Variants in ABCB4 observed in about 807,000 individuals in gnomAD.
ABCB4 encodes phosphatidylcholine translocator ABCB4.
In ABCB4, 76 loss-of-function variants were observed where a neutral mutation model predicts 145.7. The observed-to-expected ratio is 0.52, with a 90% CI of 0.43 to 0.63. The LOEUF (loss-of-function observed/expected upper bound fraction) is 0.63. ABCB4 is among the 30% of genes least tolerant of loss of function. The pLI is 0.00. For synonymous variants in ABCB4, 517 were observed against 566.8 expected (o/e 0.91, Z 1.25); for missense variants, 1,234 against 1,553.1 (o/e 0.79, Z 3.45).
intron 4 of ABCB4, among the ~76,000 whole-genome samples, chr7:87,456,336 A>G (rs1457895616): frequency 6.6e-6 from 1 of 152,172 alleles, no homozygotes; most frequent in African/African-American, 2.4e-5. Context: ...TGTGATCCTC[A>G]GTGTTGGAGG....
intron 24 of ABCB4, among the ~76,000 whole-genome samples, chr7:87,408,713 G>T (rs1808393351): frequency 6.6e-6 from 1 of 152,320 alleles, no homozygotes; most frequent in South Asian, 2.1e-4. Context: ...GTCCTGGAAA[G>T]ACTGTGTTAA....
intron 14 of ABCB4, among the ~76,000 whole-genome samples, chr7:87,437,839 T>C (rs1810711044): frequency 6.6e-6 from 1 of 152,160 alleles, no homozygotes; most frequent in Non-Finnish European, 1.5e-5. Flanking sequence ...TCCTGGAGAC[T>C]TTAAAAAATT....
At chr7:87,460,622 G>GTATTTATT (rs3028335) in intron 4 of ABCB4, among the ~76,000 whole-genome samples, 1,589 of 148,410 alleles carry the variant, frequency 0.011, 28 homozygotes, top group African/African-American at 0.026. Flanking sequence ...ACACAATTTT[G>GTATTTATT]TATTTATTTA....
intron 4 of ABCB4, among the ~76,000 whole-genome samples, chr7:87,460,187 C>G (rs912499265): frequency 2.0e-5 from 3 of 152,180 alleles, no homozygotes; most frequent in African/African-American, 7.2e-5. Flanking sequence ...ATCTCTGATT[C>G]ACTGTGGGGA....
chr7:87,406,970 T>C (rs1166831153), intron 25 of ABCB4, among the ~76,000 whole-genome samples: 1 of 152,212 alleles, frequency 6.6e-6, no homozygotes, highest in Non-Finnish European at 1.5e-5. Flanking sequence ...CCCTGAAAAC[T>C]ACTAGCCTTA....
intron 3 of ABCB4, among the ~76,000 whole-genome samples, chr7:87,472,222 G>A (rs1404740776): frequency 6.6e-6 from 1 of 151,990 alleles, no homozygotes; most frequent in Admixed American, 6.5e-5. Flanking sequence ...ACAGTTTTTT[G>A]TTGTCGTTGT....
At chr7:87,466,947 A>C (rs1443312205) in intron 3 of ABCB4, among the ~76,000 whole-genome samples, 1 of 152,212 alleles carries the variant, frequency 6.6e-6, no homozygotes. Context: ...GCAAAAACAT[A>C]CCAAATTGTA....
chr7:87,377,543 T>A, the ABCB4 span: 1 of 713,576 alleles, frequency 1.4e-6, no homozygotes, highest in Non-Finnish European at 2.4e-6. Flanking sequence ...ACAGTGTAAG[T>A]GAATAGTAAT....
rs927881922 is a variant in ABCB4, at chr7:87,475,678, G to A, written c.-51C>T. The A allele has an allele frequency of 8.3e-6, 5 of 598,898 alleles. No individual in the cohort carries two copies. The highest frequency in any genetic ancestry group is 5.7e-5 in the East Asian group (2 of 35,050). 37.1% of individuals were successfully genotyped at this position (598,898 alleles called of 1,614,324 possible). On this transcript the variant is annotated 5_prime_UTR_variant, in exon 1 of 28. Transcript: ENST00000649586. ...TGGCAGGGCCTCTGGACGCGCGGGC[G>A]CTGCAGCAGAGGGGCCTGGACTTTG...
the ABCB4 span, among the ~76,000 whole-genome samples, chr7:87,371,109 A>AC: frequency 6.6e-6 from 1 of 152,176 alleles, no homozygotes; most frequent in Non-Finnish European, 1.5e-5. Context: ...TTTAATCTTT[A>AC]CCATACAGAT....
At chr7:87,465,089 C>T (rs902923139) in intron 3 of ABCB4, among the ~76,000 whole-genome samples, 4 of 152,200 alleles carry the variant, frequency 2.6e-5, no homozygotes, top group African/African-American at 7.2e-5. Flanking sequence ...TCCCCTCACC[C>T]GAGAAGCACA....
intron 7 of ABCB4, among the ~76,000 whole-genome samples, chr7:87,451,152 T>TTTTG (rs1811696388): frequency 6.6e-6 from 1 of 152,004 alleles, no homozygotes; most frequent in African/African-American, 2.4e-5. Flanking sequence ...TTTTTTTTTT[T>TTTTG]TGAGATGAAG....
chr7:87,427,795 G>A (rs1195158379), intron 15 of ABCB4, among the ~76,000 whole-genome samples: 9 of 152,036 alleles, frequency 5.9e-5, no homozygotes, highest in Non-Finnish European at 7.4e-5. Flanking sequence ...ACAGAACACT[G>A]CCCATGTGCT....
chr7:87,456,614 T>C (rs1348780337), intron 4 of ABCB4, among the ~76,000 whole-genome samples: 4 of 152,212 alleles, frequency 2.6e-5, no homozygotes, highest in African/African-American at 7.2e-5. Flanking sequence ...TGCTGAACCA[T>C]GAGCCAAATA....
rs1358236761 is a variant in ABCB4, at chr7:87,406,435, T to G, written c.3339A>C (p.Gly1113=). 1.9e-6 allele frequency: 3 copies of G among 1,613,964 alleles called. No homozygotes were observed. Among genetic ancestry groups the G allele is most frequent in the Non-Finnish European group, 2.5e-6 (3 of 1,180,018 alleles). The change falls in exon 26 of 28, where the codon GGA becomes GGC. Residue 1113 remains glycine (G), a synonymous_variant. Transcript: ENST00000649586. ...LNVQWLRAQL[G]IVSQEPILFD... The stretch of plus-strand genomic sequence containing the variant: ...ATAGGATAGGCTCCTGAGACACGAT[T>G]CCGAGTTGAGCTCTGAGCCACTGGA...
chr7:87,387,240 C>A, the ABCB4 span, among the ~76,000 whole-genome samples: 66 of 151,978 alleles, frequency 4.3e-4, no homozygotes, highest in Non-Finnish European at 7.9e-4. Flanking sequence ...ATTATGGTAA[C>A]ATGACTCCTC....
intron 21 of ABCB4, among the ~76,000 whole-genome samples, chr7:87,416,461 A>G (rs1304404740): frequency 6.6e-6 from 1 of 152,212 alleles, no homozygotes; most frequent in Non-Finnish European, 1.5e-5. Context: ...ATTTATATTT[A>G]TTATCTGCTT....
intron 4 of ABCB4, among the ~76,000 whole-genome samples, chr7:87,458,752 T>C (rs547382055): frequency 5.3e-5 from 8 of 152,248 alleles, no homozygotes; most frequent in Non-Finnish European, 1.2e-4. Flanking sequence ...AAATACTCCA[T>C]AGCATCCAGT....
chr7:87,392,607 G>A, the ABCB4 span: 2 of 1,613,432 alleles, frequency 1.2e-6, no homozygotes, highest in Non-Finnish European at 1.7e-6. Context: ...CTTTTGCAAA[G>A]CATAATAAAA....
Sources: gnomAD v4.1 joint callset for allele counts (sites outside exome capture counted in the v4.1 genomes callset) on GRCh38, gnomAD v4.1.1 for gene constraint, MANE v1.5 for transcripts, NCBI Gene and HGNC (gene_info 2026-07-23, HGNC 2026-07-21) for gene names.